The following NECAB1 variants were observed in gnomAD, a reference collection of about 807,000 sequenced individuals.
NECAB1 encodes the protein N-terminal EF-hand calcium-binding protein 1.
A neutral mutation model predicts 57.5 loss-of-function variants in NECAB1; 29 were observed. That is an observed-to-expected ratio of 0.50 (90% CI 0.38 to 0.69). The LOEUF is 0.69. NECAB1 is among the 30% of genes least tolerant of loss of function. NECAB1 has a pLI of 0.00. For synonymous variants in NECAB1, 142 were observed against 147.7 expected, an observed-to-expected ratio of 0.96 and a Z score of 0.28; for missense variants, 372 against 413.8, an observed-to-expected ratio of 0.90 and a Z score of 0.88.
At position 90,956,228 on chromosome 8, in the gene NECAB1, G is replaced by T. The variant is rs1028085280; in HGVS notation, c.*716G>T. ...TTGTTATGTAAGTTAAATATATCAA[G>T]AAAGAAGAGACTGTTTGGAAAAATG... On this transcript the variant is annotated 3_prime_UTR_variant, in exon 13 of 13. Coordinates refer to ENST00000417640, the MANE Select transcript of NECAB1 (RefSeq NM_022351.5). The T allele has an allele frequency of 6.6e-6, 1 of 151,970 alleles. No homozygotes were observed. The highest frequency in any genetic ancestry group is 2.4e-5 in the African/African-American group (1 of 41,406). The allele number at this position is 151,970 out of a possible 1,614,324, so 9.4% of individuals were successfully genotyped here. A position where few individuals can be genotyped will look rare whatever the true frequency, so the allele number is the denominator to read the frequency against.
chr8:90,840,693 T>G (rs754554194), intron 3 of NECAB1, among the ~76,000 whole-genome samples: 1 of 152,194 alleles, frequency 6.6e-6, no homozygotes, highest in Non-Finnish European at 1.5e-5. Context: ...TATGTCAATA[T>G]ATGAGGTTTG....
intron 3 of NECAB1, among the ~76,000 whole-genome samples, chr8:90,857,565 T>C (rs1313937625): frequency 6.6e-6 from 1 of 152,142 alleles, no homozygotes; most frequent in Non-Finnish European, 1.5e-5. Flanking sequence ...ATATATATGC[T>C]TTTTCATGTG....
chr8:90,836,960 GC>G (rs1374843195), intron 3 of NECAB1, among the ~76,000 whole-genome samples: 3 of 152,218 alleles, frequency 2.0e-5, no homozygotes, highest in African/African-American at 7.2e-5. Context: ...AGCATAAGAA[GC>G]ACTCTTGTTC....
intron 4 of NECAB1, among the ~76,000 whole-genome samples, chr8:90,876,175 C>T (rs934577338): frequency 6.6e-6 from 1 of 152,170 alleles, no homozygotes; most frequent in African/African-American, 2.4e-5. Context: ...GCTCAGAGAC[C>T]TGTGCCAGCA....
intron 3 of NECAB1, among the ~76,000 whole-genome samples, chr8:90,868,644 A>T (rs1362633032): frequency 6.6e-6 from 1 of 152,240 alleles, no homozygotes; most frequent in African/African-American, 2.4e-5. Context: ...CAAAGCATTC[A>T]AGATGTGGCC....
chr8:90,851,993 G>C (rs1325246934), intron 3 of NECAB1, among the ~76,000 whole-genome samples: 1 of 151,982 alleles, frequency 6.6e-6, no homozygotes, highest in Non-Finnish European at 1.5e-5. Context: ...CAGTACACAG[G>C]CTCCAATGTC....
intron 7 of NECAB1, among the ~76,000 whole-genome samples, chr8:90,927,526 A>G (rs1485151821): frequency 2.0e-5 from 3 of 151,928 alleles, no homozygotes; most frequent in Non-Finnish European, 2.9e-5. Context: ...ACAGGCTCAG[A>G]TCATAACTCT....
intron 3 of NECAB1, among the ~76,000 whole-genome samples, chr8:90,865,321 T>C (rs2129823925): frequency 6.6e-6 from 1 of 152,152 alleles, no homozygotes; most frequent in South Asian, 2.1e-4. Flanking sequence ...ATTAGAGAGG[T>C]TCAGAGTCTT....
At chr8:90,901,513 T>C (rs991555179) in intron 5 of NECAB1, among the ~76,000 whole-genome samples, 3 of 152,216 alleles carry the variant, frequency 2.0e-5, no homozygotes, top group African/African-American at 7.2e-5. Context: ...CATCTTTTGA[T>C]AAAATGGTGC....
chr8:90,883,031 T>C (rs1008600204), intron 5 of NECAB1, among the ~76,000 whole-genome samples: 4 of 152,108 alleles, frequency 2.6e-5, no homozygotes, highest in Admixed American at 2.6e-4. Context: ...AAAAAACAAG[T>C]TATATAATCT....
intron 12 of NECAB1, 131 bp from the exon 13 acceptor site, chr8:90,955,356 G>A (rs1811011938): frequency 1.7e-6 from 1 of 602,306 alleles, no homozygotes; most frequent in South Asian, 2.7e-5. Context: ...AGGAAATGGT[G>A]ACTAGAAAGA....
intron 3 of NECAB1, among the ~76,000 whole-genome samples, chr8:90,853,215 A>T (rs1178472093): frequency 2.0e-5 from 3 of 152,016 alleles, no homozygotes; most frequent in Admixed American, 2.0e-4. Context: ...AGTGGAGGTA[A>T]CTCCTGCCAG....
At chr8:90,801,439 A>G (rs985312226) in intron 1 of NECAB1, among the ~76,000 whole-genome samples, 3 of 152,052 alleles carry the variant, frequency 2.0e-5, no homozygotes, top group Non-Finnish European at 2.9e-5. Context: ...TAGCTCATTC[A>G]TTTTTATTGC....
chr8:90,943,791 G>GC (rs750507130), intron 10 of NECAB1, among the ~76,000 whole-genome samples: 7 of 152,144 alleles, frequency 4.6e-5, no homozygotes, highest in Non-Finnish European at 1.0e-4. Flanking sequence ...TTGCTCTGTT[G>GC]CCCAGGCTGT....
At chr8:90,875,106 C>A (rs1331216595) in intron 4 of NECAB1, among the ~76,000 whole-genome samples, 3 of 152,156 alleles carry the variant, frequency 2.0e-5, no homozygotes, top group Non-Finnish European at 4.4e-5. Context: ...CCTTTCCTGG[C>A]CCTACCCTGT....
At chr8:90,858,967 C>T (rs914818221) in intron 3 of NECAB1, 3 of 125,070 alleles carry the variant, frequency 2.4e-5, no homozygotes, top group African/African-American at 1.2e-4. Context: ...GTCAATTGGG[C>T]TTTTCCAACC....
Position 90,917,618 on chromosome 8 carries a change from CG to C in NECAB1, c.485del (p.Arg162LeufsTer47). On this transcript the variant is annotated frameshift_variant, in exon 6 of 13. Coordinates refer to ENST00000417640, the MANE Select transcript of NECAB1 (RefSeq NM_022351.5). LOFTEE classifies it high-confidence loss of function. ...CATGGAAACTACTGAGGAGCAAACC[CG>C]TCAAGAAAGGCAATTTACATGTTTT... ...CAMETTEEQTRQERQGPAKPE... is the reference protein window; with the variant it reads ...CAMETTEEQTXQERQGPAKPE... 6.2e-7 allele frequency: 1 copy of C among 1,606,978 alleles called. No homozygotes were observed. The highest frequency in any genetic ancestry group is 8.5e-7 in the Non-Finnish European group (1 of 1,176,212).
intron 1 of NECAB1, among the ~76,000 whole-genome samples, chr8:90,795,708 T>TCA (rs59863984): frequency 0.041 from 6,128 of 147,748 alleles, 174 homozygotes; most frequent in African/African-American, 0.077. Flanking sequence ...CTCATCTCTC[T>TCA]CACACACACA....
intron 3 of NECAB1, among the ~76,000 whole-genome samples, chr8:90,846,997 A>G (rs752739086): frequency 1.3e-5 from 2 of 152,158 alleles, no homozygotes; most frequent in Non-Finnish European, 2.9e-5. Context: ...ACATTTTAAA[A>G]CACAATGGTA....
Sources: gnomAD v4.1 joint callset for allele counts (sites outside exome capture counted in the v4.1 genomes callset) on GRCh38, gnomAD v4.1.1 for gene constraint, MANE v1.5 for transcripts, NCBI Gene and HGNC (gene_info 2026-07-23, HGNC 2026-07-21) for gene names.